DISP1: variants seen among roughly 807,000 people sequenced by gnomAD.
The protein encoded by DISP1 is dispatched RND transporter family member 1.
DISP1 carries 30 observed loss-of-function variants against 37.3 expected under a neutral mutation model. The ratio of observed to expected loss-of-function variants is 0.80; its 90% CI spans 0.60 to 1.09. DISP1 has a LOEUF of 1.09. Among genes scored for constraint, DISP1 ranks in the 50% least tolerant of loss-of-function variants. The pLI, the probability that DISP1 is intolerant of heterozygous loss-of-function variation, is 0.00. For missense variants in DISP1, 1,598 were observed against 1,879.5 expected (o/e 0.85, Z 2.77); for synonymous variants, 634 against 690.2 (o/e 0.92, Z 1.28).
Position 222,920,734 on chromosome 1 carries a change from A to G in DISP1, c.-158-7696A>G, listed in dbSNP as rs183686724. On this transcript the variant is annotated intron_variant, in intron 1 of 8. Coordinates refer to ENST00000675850, the MANE Select transcript of DISP1 (RefSeq NM_001377229.1). ...GTCAGACTTTTTTCTTCACAGAAAAATGAAAAACTACGTCTTCTCTGAAAT... is the reference window on the plus strand; with the variant it reads ...GTCAGACTTTTTTCTTCACAGAAAAGTGAAAAACTACGTCTTCTCTGAAAT... Among the ~76,000 whole-genome samples, 634 of 152,262 alleles carry G rather than the reference A, an allele frequency of 4.2e-3. 11 individuals are homozygous for G. The highest frequency in any genetic ancestry group is 0.014 in the African/African-American group (582 of 41,556).
At chr1:222,915,321 C>T in intron 1 of DISP1, among the ~76,000 whole-genome samples, 1 of 152,156 alleles carries the variant, frequency 6.6e-6, no homozygotes, top group East Asian at 1.9e-4. Context: ...TGACTAACTC[C>T]CTGCAAAGCC....
intron 2 of DISP1, among the ~76,000 whole-genome samples, chr1:222,937,092 T>TTAC (rs369518382): frequency 3.3e-5 from 3 of 91,354 alleles, no homozygotes; most frequent in African/African-American, 1.2e-4. Flanking sequence ...TATTACAGTT[T>TTAC]ATATATATAT....
chr1:222,847,210 C>T (rs1667962711), intron 1 of DISP1, among the ~76,000 whole-genome samples: 1 of 152,156 alleles, frequency 6.6e-6, no homozygotes, highest in Non-Finnish European at 1.5e-5. Context: ...ACTATTGTGT[C>T]CTTTTGACAT....
At chr1:222,848,434 G>C (rs1181451580) in intron 1 of DISP1, among the ~76,000 whole-genome samples, 1 of 147,202 alleles carries the variant, frequency 6.8e-6, no homozygotes, top group African/African-American at 2.4e-5. Context: ...ATTATAGTAA[G>C]TAGTGGCTTT....
intron 2 of DISP1, among the ~76,000 whole-genome samples, chr1:222,940,029 G>A (rs1674267539): frequency 2.0e-5 from 3 of 151,950 alleles, no homozygotes; most frequent in Admixed American, 1.3e-4. Flanking sequence ...GGGAAGCTGA[G>A]GCAGGAGAAT....
At chr1:222,871,729 G>A (rs1459871474) in intron 1 of DISP1, among the ~76,000 whole-genome samples, 1 of 152,208 alleles carries the variant, frequency 6.6e-6, no homozygotes, top group Non-Finnish European at 1.5e-5. Flanking sequence ...CATGTCATCT[G>A]CAAACAGGGA....
intron 2 of DISP1, 86 bp from the exon 3 acceptor site, chr1:222,942,721 G>A (rs1558344715): frequency 4.0e-6 from 6 of 1,492,316 alleles, no homozygotes; most frequent in Non-Finnish European, 5.6e-6. Flanking sequence ...CATTTTCAAT[G>A]AGCTGTTTTT....
chr1:222,835,160 T>TA (rs1666744136), intron 1 of DISP1: 1 of 152,212 alleles, frequency 6.6e-6, no homozygotes, highest in Non-Finnish European at 1.5e-5. Flanking sequence ...TGTTGAATTG[T>TA]ATTTAGTAAC....
chr1:222,818,021 A>G (rs181646283), intron 1 of DISP1, among the ~76,000 whole-genome samples: 6 of 152,378 alleles, frequency 3.9e-5, no homozygotes, highest in Non-Finnish European at 4.4e-5. Flanking sequence ...GTGATAGGCT[A>G]TAACTCACAA....
chr1:222,964,024 A>G (rs986288779), intron 3 of DISP1, among the ~76,000 whole-genome samples: 4 of 152,140 alleles, frequency 2.6e-5, no homozygotes, highest in African/African-American at 9.7e-5. Context: ...TTAATTAAAA[A>G]AAAAGAAAAG....
intron 1 of DISP1, 116 bp downstream of exon 1, chr1:222,815,194 C>G (rs967823603): frequency 1.3e-5 from 2 of 152,586 alleles, no homozygotes; most frequent in African/African-American, 4.8e-5. Context: ...GAGTCGGCAT[C>G]TCCCGCGCGT....
In DISP1 at chr1:222,866,292, T is replaced by C. The variant is rs150449141; in HGVS notation, c.-159+51214T>C. 2.1e-3 allele frequency among the ~76,000 whole-genome samples: 322 copies of C among 152,048 alleles called. 2 individuals carry two copies. The highest frequency in any genetic ancestry group is 7.2e-3 in the African/African-American group (299 of 41,468). ...TTATAGGAGAATTGGGCCTCAGATATATGATCAGTACATGATATTCCCGGG... is the reference window on the plus strand; with the variant it reads ...TTATAGGAGAATTGGGCCTCAGATACATGATCAGTACATGATATTCCCGGG... On this transcript the variant is annotated intron_variant, in intron 1 of 8. Transcript: ENST00000675850.
chr1:222,852,907 CTG>C lies in DISP1; in HGVS notation c.-159+37830_-159+37831del, dbSNP rs528848615. 2.3e-3 allele frequency among the ~76,000 whole-genome samples: 349 copies of C among 151,820 alleles called. 1 individual carries two copies. Among genetic ancestry groups the C allele is most frequent in the African/African-American group, 8.2e-3 (340 of 41,464 alleles). On this transcript the variant is annotated intron_variant, in intron 1 of 8. Transcript: ENST00000675850. ...CTGAGTGCCTGGCATATGGGGGGCTCTGGGTGTACAATAGTGAGTAGTGGGTA... is the reference window on the plus strand; with the variant it reads ...CTGAGTGCCTGGCATATGGGGGGCTCGGTGTACAATAGTGAGTAGTGGGTA...
intron 3 of DISP1, among the ~76,000 whole-genome samples, chr1:222,949,367 C>A (rs1675042276): frequency 6.6e-6 from 1 of 151,192 alleles, no homozygotes; most frequent in South Asian, 2.1e-4. Context: ...GCACTCCAGC[C>A]TGAGCGACAG....
intron 2 of DISP1, among the ~76,000 whole-genome samples, chr1:222,936,414 A>T (rs1421475885): frequency 6.6e-6 from 1 of 151,422 alleles, no homozygotes; most frequent in Non-Finnish European, 1.5e-5. Context: ...CATTTATTTT[A>T]TAGTTGTATA....
rs73128638 is a variant in DISP1 at position 222,883,745 on chromosome 1, G to T, written c.-158-44685G>T. Among the ~76,000 whole-genome samples, 375 of 152,256 alleles carry T rather than the reference G, an allele frequency of 2.5e-3. 1 individual carries two copies. Among genetic ancestry groups the T allele is most frequent in the African/African-American group, 8.4e-3 (351 of 41,552 alleles). On this transcript the variant is annotated intron_variant, in intron 1 of 8. Coordinates refer to ENST00000675850, the MANE Select transcript of DISP1 (RefSeq NM_001377229.1). ...ATGGTGGTAAGTGTGCTTGCAAAAA[G>T]GTCTGTTAAAATATATACTAGGCTC...
intron 2 of DISP1, among the ~76,000 whole-genome samples, chr1:222,941,600 G>A (rs1163837742): frequency 1.3e-5 from 2 of 151,436 alleles, no homozygotes; most frequent in African/African-American, 4.9e-5. Flanking sequence ...ATCCTAGTAT[G>A]GGCATGCTCT....
rs1386479480 is a variant in DISP1, at chr1:222,821,106, C to G, written c.-159+6028C>G. ...AGTACTTCTCTACCTCTGTAATCAGCAGGCCTGTTGTTTTTGAATGAACAA... is the reference window on the plus strand; with the variant it reads ...AGTACTTCTCTACCTCTGTAATCAGGAGGCCTGTTGTTTTTGAATGAACAA... On this transcript the variant is annotated intron_variant, in intron 1 of 8. Coordinates refer to ENST00000675850, the MANE Select transcript of DISP1 (RefSeq NM_001377229.1). Among the ~76,000 whole-genome samples, 3 of 152,246 alleles carry G rather than the reference C, an allele frequency of 2.0e-5. 1 individual carries two copies. In the South Asian group the frequency reaches 6.2e-4, roughly 32 times the overall value.
chr1:222,818,241 T>C (rs536113716), intron 1 of DISP1, among the ~76,000 whole-genome samples: 211 of 152,316 alleles, frequency 1.4e-3, no homozygotes, highest in Middle Eastern at 0.01. Flanking sequence ...ATTTTAGCAC[T>C]GAGGTTTAGA....
Sources: gnomAD v4.1 joint callset for allele counts (sites outside exome capture counted in the v4.1 genomes callset) on GRCh38, gnomAD v4.1.1 for gene constraint, MANE v1.5 for transcripts, NCBI Gene and HGNC (gene_info 2026-07-23, HGNC 2026-07-21) for gene names.